Variants in ACAA2 observed in about 807,000 individuals in gnomAD.
ACAA2 encodes acetyl-CoA acyltransferase 2, also known as 3-ketoacyl-CoA thiolase, mitochondrial.
Under a neutral mutation model 44.8 loss-of-function variants are expected in ACAA2, and 35 were observed. The ratio of observed to expected loss-of-function variants is 0.78; its 90% confidence interval spans 0.60 to 1.04. The LOEUF is 1.04. Ranked by LOEUF, ACAA2 falls within the 50% of genes least tolerant of loss-of-function variation. The pLI is 0.00. For synonymous variants in ACAA2, 142 were observed against 166.5 expected, an observed-to-expected ratio of 0.85 and a Z score of 1.13; for missense variants, 468 against 482.6, an observed-to-expected ratio of 0.97 and a Z score of 0.28.
chr18:49,809,023 T>G (rs1161211499), intron 1 of ACAA2, among the ~76,000 whole-genome samples: 1 of 151,762 alleles, frequency 6.6e-6, no homozygotes, highest in Non-Finnish European at 1.5e-5. Flanking sequence ...TTTATAGACC[T>G]CCCCCCAGGA....
chr18:49,801,378 T>C (rs1219826526), intron 2 of ACAA2, among the ~76,000 whole-genome samples: 1 of 152,158 alleles, frequency 6.6e-6, no homozygotes, highest in African/African-American at 2.4e-5. Context: ...TTTGAGAGAA[T>C]ACATGCTGGG....
chr18:49,787,260 TAAAAAAAAAAAAAA>T lies in ACAA2; in HGVS notation c.954+17_954+30del. 2.0e-6 allele frequency: 2 copies of T among 1,023,526 alleles called. No homozygotes were observed. Among genetic ancestry groups the T allele is most frequent in the South Asian group, 2.2e-5 (1 of 44,600 alleles). 63.4% of individuals were successfully genotyped at this position (1,023,526 alleles called of 1,614,324 possible). On this transcript the variant is annotated intron_variant, in intron 8 of 9. Coordinates refer to ENST00000285093, the MANE Select transcript of ACAA2 (RefSeq NM_006111.3). The stretch of plus-strand genomic sequence containing the variant: ...AAAGTACATGGTTTATTCATGTTGT[TAAAAAAAAAAAAAA>T]AAAAAAAAACACTTACCTCTACCAA...
At position 49,797,362 on chromosome 18, in the gene ACAA2, C is replaced by T. The variant is rs1880148040; in HGVS notation, c.312+104G>A. ...ATCATGGTTTACTTGACCTCCAGGG[C>T]TCAAGCAATCCTCCCTAAAGCTAAA... On this transcript the variant is annotated intron_variant, in intron 3 of 9. Transcript: ENST00000285093. The T allele has an allele frequency of 5.6e-6, 6 of 1,071,434 alleles. No individual in the cohort carries two copies. The South Asian group carries it at 1.0e-4, about 18-fold the overall frequency. The allele number at this position is 1,071,434 out of a possible 1,614,324, so 66.4% of individuals were successfully genotyped here.
rs752897678 is a variant in ACAA2 at position 49,792,228 on chromosome 18, T to TG, written c.676dup (p.Gln226ProfsTer30). 1 of 1,613,946 alleles carries TG rather than the reference T, an allele frequency of 6.2e-7. No individual in the cohort carries two copies. Among genetic ancestry groups the TG allele is most frequent in the Admixed American group, 1.7e-5 (1 of 60,032 alleles). On this transcript the variant is annotated frameshift_variant, in exon 6 of 10. Coordinates refer to ENST00000285093, the MANE Select transcript of ACAA2 (RefSeq NM_006111.3). LOFTEE classifies it high-confidence loss of function. Reference sequence around the variant, plus strand: ...TTTCTGTAACTGTTCCAGGGTGGTTTGGGGCCGAGCATGCTCGTCTACCTG... The same window carrying TG: ...TTTCTGTAACTGTTCCAGGGTGGTTTGGGGGCCGAGCATGCTCGTCTACCTG...
chr18:49,790,896 G>C (rs2023390482), intron 7 of ACAA2, among the ~76,000 whole-genome samples: 1 of 152,148 alleles, frequency 6.6e-6, no homozygotes, highest in African/African-American at 2.4e-5. Context: ...TTAACTCACA[G>C]TGAAGAGAGC....
chr18:49,813,384 T>A, intron 1 of ACAA2, 85 bp downstream of exon 1: 1 of 1,097,486 alleles, frequency 9.1e-7, no homozygotes, highest in East Asian at 3.2e-5. Context: ...CGACCCCGAC[T>A]CTCCGCGGCG....
At chr18:49,798,735 A>G (rs1189035836) in intron 2 of ACAA2, among the ~76,000 whole-genome samples, 1 of 152,182 alleles carries the variant, frequency 6.6e-6, no homozygotes, top group African/African-American at 2.4e-5. Context: ...CAATTAATCT[A>G]CTAACTAAAT....
intron 2 of ACAA2, among the ~76,000 whole-genome samples, chr18:49,800,516 G>A (rs1402695258): frequency 6.6e-6 from 1 of 152,182 alleles, no homozygotes; most frequent in Non-Finnish European, 1.5e-5. Flanking sequence ...GTGGAAAGAA[G>A]TAGACATGGG....
Position 49,797,344 on chromosome 18 carries a change from T to C in ACAA2, c.312+122A>G, listed in dbSNP as rs562511152. 38 of 833,166 alleles carry C rather than the reference T, an allele frequency of 4.6e-5. 1 individual carries two copies. The highest frequency in any genetic ancestry group is 3.8e-4 in the Middle Eastern group (1 of 2,600). The allele number at this position is 833,166 out of a possible 1,614,324, so 51.6% of individuals were successfully genotyped here. On this transcript the variant is annotated intron_variant, in intron 3 of 9. Coordinates refer to ENST00000285093, the MANE Select transcript of ACAA2 (RefSeq NM_006111.3). ...CTGGAGTGCAGTGGTATGATCATGG[T>C]TTACTTGACCTCCAGGGCTCAAGCA...
chr18:49,804,059 C>T (rs1267355981), intron 1 of ACAA2, among the ~76,000 whole-genome samples: 1 of 152,048 alleles, frequency 6.6e-6, no homozygotes, highest in Admixed American at 6.6e-5. Context: ...TACAGACACC[C>T]ACCACCAGGC....
At chr18:49,794,454 T>C in intron 4 of ACAA2, 27 bp from the exon 5 acceptor site, 4 of 1,498,028 alleles carry the variant, frequency 2.7e-6, no homozygotes, top group Non-Finnish European at 3.6e-6. Context: ...ATAAAGTGAC[T>C]TGTTAAGGCA....
Position 49,795,879 on chromosome 18 carries a change from T to G in ACAA2, c.315A>C (p.Glu105Asp). 6.2e-7 allele frequency: 1 copy of G among 1,602,840 alleles called. No individual in the cohort carries two copies. Among genetic ancestry groups the G allele is most frequent in the Non-Finnish European group, 8.5e-7 (1 of 1,173,128 alleles). The change falls in exon 4 of 10, where the codon GAA becomes GAC. Residue 105 changes from glutamate to aspartate, a missense_variant and splice_region_variant. Transcript: ENST00000285093. ...GFQSIVNGCQ[E>D]ICVKEAEVVL... Reference sequence around the variant, plus strand: ...CAACTTCAGCTTCTTTAACACAAATTTCCTATTTAAAAACAAACAGTAATA... The same window carrying G: ...CAACTTCAGCTTCTTTAACACAAATGTCCTATTTAAAAACAAACAGTAATA...
chr18:49,801,431 C>T (rs2023546358), intron 2 of ACAA2, among the ~76,000 whole-genome samples: 1 of 152,114 alleles, frequency 6.6e-6, no homozygotes, highest in Admixed American at 6.5e-5. Flanking sequence ...ACGCAAAAAA[C>T]GGAAGTATCC....
chr18:49,799,715 A>G (rs983322581), intron 2 of ACAA2, among the ~76,000 whole-genome samples: 1 of 140,322 alleles, frequency 7.1e-6, no homozygotes, highest in Non-Finnish European at 1.5e-5. Context: ...CTGGCTGCCC[A>G]GTCTGGAAAG....
chr18:49,785,080 G>T, intron 9 of ACAA2, 117 bp downstream of exon 9: 1 of 1,232,642 alleles, frequency 8.1e-7, no homozygotes, highest in Non-Finnish European at 1.1e-6. Context: ...CCTGGTAACA[G>T]CCAGTGCAGG....
intron 7 of ACAA2, among the ~76,000 whole-genome samples, chr18:49,789,301 T>TACTTAATA (rs916354166): frequency 6.6e-5 from 10 of 152,204 alleles, no homozygotes; most frequent in African/African-American, 2.4e-4. Context: ...TCCCACTAGA[T>TACTTAATA]ACTTAATAAC....
chr18:49,802,326 G>A (rs533888395), intron 2 of ACAA2, among the ~76,000 whole-genome samples: 4 of 152,248 alleles, frequency 2.6e-5, no homozygotes, highest in African/African-American at 9.6e-5. Flanking sequence ...CACTTTGGGG[G>A]GCCGAGACAG....
chr18:49,802,859 GCAA>G lies in ACAA2; in HGVS notation c.17-9_17-7del. 6.2e-7 allele frequency: 1 copy of G among 1,613,836 alleles called. No homozygotes were observed. Among genetic ancestry groups the G allele is most frequent in the Non-Finnish European group, 8.5e-7 (1 of 1,179,882 alleles). ...AGCAGCAACTACAAACACACCTATT[GCAA>G]CAAGAAGAGATTTGTAAGCCATCAC... On this transcript the variant is annotated splice_region_variant and splice_polypyrimidine_tract_variant and intron_variant, in intron 1 of 9. Transcript: ENST00000285093.
rs189747584 is a variant in ACAA2 at position 49,805,017 on chromosome 18, G to A, written c.17-2164C>T. ...GCTAATCTTCCCAGCAACTCTGCAAGGTAAATATTATAGCTAACATAGAGG... is the reference window on the plus strand; with the variant it reads ...GCTAATCTTCCCAGCAACTCTGCAAAGTAAATATTATAGCTAACATAGAGG... On this transcript the variant is annotated intron_variant, in intron 1 of 9. Transcript: ENST00000285093. Among the ~76,000 whole-genome samples, 6 of 152,274 alleles carry A rather than the reference G, an allele frequency of 3.9e-5. No individual in the cohort carries two copies. In the East Asian group the frequency reaches 1.2e-3, roughly 29 times the overall value.
Sources: allele counts gnomAD v4.1 joint callset (sites outside exome capture counted in the v4.1 genomes callset), GRCh38; gene constraint gnomAD v4.1.1; transcripts MANE v1.5; gene names NCBI Gene and HGNC (gene_info 2026-07-23, HGNC 2026-07-21).